NGEF: variants seen among roughly 807,000 people sequenced by gnomAD.
NGEF encodes ephexin-1.
In NGEF, 31 loss-of-function variants were observed where a neutral mutation model predicts 80.9. The ratio of observed to expected loss-of-function variants is 0.38; its 90% CI spans 0.29 to 0.52. NGEF has a LOEUF of 0.52. Ranked by LOEUF, NGEF falls within the 20% of genes least tolerant of loss-of-function variation. The pLI is 0.84. For missense variants in NGEF, 709 were observed against 926.2 expected (o/e 0.77, Z 3.04); for synonymous variants, 371 against 370.2 (o/e 1.00, Z -0.03).
At position 232,883,972 on chromosome 2, in the gene NGEF, C is replaced by G. The variant is rs780257781; in HGVS notation, c.1601+9G>C. 6.2e-7 allele frequency: 1 copy of G among 1,604,238 alleles called. No individual in the cohort carries two copies. The highest frequency in any genetic ancestry group is 1.1e-5 in the South Asian group (1 of 88,724). On this transcript the variant is annotated intron_variant, in intron 11 of 14. Coordinates refer to ENST00000264051, the MANE Select transcript of NGEF (RefSeq NM_019850.3). ...ACCGGAGCGCCTGATGCCCTGGGCC[C>G]CGACTCACCCTGGAATCTGCCGGCA...
Position 232,905,447 on chromosome 2 carries a change from C to T in NGEF, c.829-10531G>A, listed in dbSNP as rs1057450716. 5.3e-5 allele frequency among the ~76,000 whole-genome samples: 8 copies of T among 152,146 alleles called. No homozygotes were observed. The South Asian group carries it at 1.0e-3, about 20-fold the overall frequency. On this transcript the variant is annotated intron_variant, in intron 5 of 14. Transcript: ENST00000264051. ...GGAGTGCAGTGGCGTGATCTCGGCT[C>T]GCTACAACCTCCACCTCCCAGCCGC...
At position 232,894,881 on chromosome 2, in the gene NGEF, G is replaced by A; in HGVS notation, c.864C>T (p.Tyr288=). Residue 288 remains tyrosine, a synonymous_variant, in exon 6 of 15, where the codon TAC becomes TAT. Transcript: ENST00000264051. ...ACACGAGCAGGTTCAGACTCTTGTA[G>A]TAGGACGCCTCGGAAGTGACCAGCT... ...MFELVTSEAS[Y]YKSLNLLVSH... 1.9e-6 allele frequency: 3 copies of A among 1,604,414 alleles called. No individual in the cohort carries two copies. The highest frequency in any genetic ancestry group is 2.6e-6 in the Non-Finnish European group (3 of 1,172,858).
intron 3 of NGEF, among the ~76,000 whole-genome samples, chr2:232,949,963 C>A (rs753531834): frequency 6.6e-6 from 1 of 152,042 alleles, no homozygotes; most frequent in Non-Finnish European, 1.5e-5. Context: ...AGGTGCCCAC[C>A]ACCATGCCCG....
At chr2:232,887,762 T>C (rs1691737783) in intron 9 of NGEF, among the ~76,000 whole-genome samples, 3 of 152,038 alleles carry the variant, frequency 2.0e-5, no homozygotes, top group African/African-American at 2.4e-5. Flanking sequence ...CACGCTGCTG[T>C]CCCCACATCC....
At chr2:232,969,230 C>A (rs1333469070) in intron 3 of NGEF, among the ~76,000 whole-genome samples, 1 of 151,902 alleles carries the variant, frequency 6.6e-6, no homozygotes, top group Non-Finnish European at 1.5e-5. Flanking sequence ...AAAAAAAAGA[C>A]TTGAAGCACA....
At chr2:232,982,760 C>T (rs568928963) in intron 1 of NGEF, among the ~76,000 whole-genome samples, 82 of 152,328 alleles carry the variant, frequency 5.4e-4, no homozygotes, top group Middle Eastern at 3.4e-3. Context: ...GTGATCCGCC[C>T]GCCTCAGCCT....
Position 232,974,960 on chromosome 2 carries a change from G to A in NGEF, c.-70C>T. On this transcript the variant is annotated 5_prime_UTR_variant, in exon 2 of 15. The change creates a premature stop within an existing upstream ORF in the 5' untranslated region. Coordinates refer to ENST00000264051, the MANE Select transcript of NGEF (RefSeq NM_019850.3). ...TGACTTTCCCAAGCTTCACTGGTTT[G>A]AGTGCTTTAGAATAGATAGAAAACA... 6.6e-7 allele frequency: 1 copy of A among 1,508,046 alleles called. No homozygotes were observed. The highest frequency in any genetic ancestry group is 9.0e-7 in the Non-Finnish European group (1 of 1,111,484). The allele number at this position is 1,508,046 out of a possible 1,614,324, so 93.4% of individuals were successfully genotyped here.
chr2:232,983,088 C>T lies in NGEF; in HGVS notation c.-74-8124G>A, dbSNP rs1387637010. Among the ~76,000 whole-genome samples the T allele has an allele frequency of 2.6e-5, 4 of 152,178 alleles. No individual in the cohort carries two copies. In the East Asian group the frequency reaches 5.8e-4, roughly 22 times the overall value. On this transcript the variant is annotated intron_variant, in intron 1 of 14. Transcript: ENST00000264051. ...ACCCTGCCCTGGGGATGGCTGCCCA[C>T]TGGGGCATTTTGGTGTTCTGAGCGT...
chr2:232,881,295 C>G (rs368143406), intron 13 of NGEF, 45 bp from the exon 14 acceptor site: 1 of 1,463,870 alleles, frequency 6.8e-7, no homozygotes, highest in Non-Finnish European at 9.5e-7. Context: ...CCGCACTACC[C>G]ACCTGCACAC....
chr2:232,983,594 G>A (rs1694480719), intron 1 of NGEF, among the ~76,000 whole-genome samples: 1 of 152,156 alleles, frequency 6.6e-6, no homozygotes. Context: ...CTTTCCTTAA[G>A]GCTGCAGAAC....
chr2:232,885,058 C>T lies in NGEF; in HGVS notation c.1437+222G>A, dbSNP rs534022410. ...CTGGGCCGCACACTAGCCCCGCACT[C>T]CCGTCTCCCAGGAGACAGATCCGGA... is the stretch of plus-strand genomic sequence containing the variant. On this transcript the variant is annotated intron_variant, in intron 10 of 14. Coordinates refer to ENST00000264051, the MANE Select transcript of NGEF (RefSeq NM_019850.3). 1.7e-4 allele frequency: 96 copies of T among 563,724 alleles called. No homozygotes were observed. In the South Asian group the frequency reaches 1.7e-3, roughly 10 times the overall value. The allele number at this position is 563,724 out of a possible 1,614,324, so 34.9% of individuals were successfully genotyped here.
At chr2:232,994,160 C>T (rs888778912) in intron 1 of NGEF, among the ~76,000 whole-genome samples, 15 of 151,926 alleles carry the variant, frequency 9.9e-5, no homozygotes, top group South Asian at 6.2e-4. Context: ...ACTTGAGGTA[C>T]GGAGTTCAAG....
At chr2:232,952,047 T>C (rs1174427623) in intron 3 of NGEF, among the ~76,000 whole-genome samples, 1 of 152,128 alleles carries the variant, frequency 6.6e-6, no homozygotes, top group East Asian at 1.9e-4. Flanking sequence ...AAAACGCAGA[T>C]CATCAAAAGG....
chr2:232,928,134 G>T, intron 3 of NGEF: 1 of 992,824 alleles, frequency 1.0e-6, no homozygotes, highest in South Asian at 4.6e-5. Context: ...AGCCGCCGCC[G>T]CCACCGCTGC....
At chr2:233,008,103 C>T (rs777703792) in intron 1 of NGEF, among the ~76,000 whole-genome samples, 1 of 152,120 alleles carries the variant, frequency 6.6e-6, no homozygotes, top group Non-Finnish European at 1.5e-5. Flanking sequence ...AAAAATAAAA[C>T]CCATATGTGA....
rs138667241 is a variant in NGEF, at chr2:232,916,172, G to A, written c.828+4112C>T. Among the ~76,000 whole-genome samples the A allele has an allele frequency of 4.3e-3, 662 of 152,332 alleles. 3 individuals carry two copies. Among genetic ancestry groups the A allele is most frequent in the Non-Finnish European group, 6.0e-3 (407 of 68,026 alleles). ...TGGAAAAAGGATTTTTATCCAAAAAGAAGATGCCATGGACCAAGTGAGAGG... is the reference window on the plus strand; with the variant it reads ...TGGAAAAAGGATTTTTATCCAAAAAAAAGATGCCATGGACCAAGTGAGAGG... On this transcript the variant is annotated intron_variant, in intron 5 of 14. Transcript: ENST00000264051.
intron 3 of NGEF, among the ~76,000 whole-genome samples, chr2:232,934,239 C>G (rs1173870394): frequency 2.4e-5 from 1 of 41,874 alleles, no homozygotes; most frequent in East Asian, 6.4e-4. Flanking sequence ...GAGACTGCAT[C>G]TCAAAAAAAA....
intron 5 of NGEF, among the ~76,000 whole-genome samples, chr2:232,898,463 T>A (rs1211466516): frequency 6.6e-6 from 1 of 152,208 alleles, no homozygotes; most frequent in Non-Finnish European, 1.5e-5. Flanking sequence ...CCCAGAACTC[T>A]CACCCCTCCT....
intron 3 of NGEF, among the ~76,000 whole-genome samples, chr2:232,933,509 C>T (rs1455878508): frequency 1.3e-5 from 2 of 152,220 alleles, no homozygotes; most frequent in Non-Finnish European, 2.9e-5. Flanking sequence ...ACCCTTCTCT[C>T]TGCCCCTCTC....
Sources: gnomAD v4.1 joint callset for allele counts (sites outside exome capture counted in the v4.1 genomes callset) on GRCh38, gnomAD v4.1.1 for gene constraint, MANE v1.5 for transcripts, NCBI Gene and HGNC (gene_info 2026-07-23, HGNC 2026-07-21) for gene names.